Variants in CADM1 observed in about 807,000 individuals in gnomAD.
The protein encoded by CADM1 is cell adhesion molecule 1.
Under a neutral mutation model 53.1 loss-of-function variants are expected in CADM1, and 15 were observed. That is an observed-to-expected ratio of 0.28 (90% CI 0.19 to 0.44). The LOEUF (loss-of-function observed/expected upper bound fraction) is 0.44. Ranked by LOEUF, CADM1 falls within the 20% of genes least tolerant of loss-of-function variation. CADM1 has a pLI of 1.00. For missense variants in CADM1, 434 were observed against 611.3 expected, an observed-to-expected ratio of 0.71 and a Z score of 3.06; for synonymous variants, 281 against 243.0, an observed-to-expected ratio of 1.16 and a Z score of -1.45.
intron 1 of CADM1, among the ~76,000 whole-genome samples, chr11:115,303,451 C>CA (rs1944286230): frequency 1.3e-5 from 2 of 152,006 alleles, no homozygotes; most frequent in African/African-American, 4.8e-5. Context: ...TCTCCATATG[C>CA]AAGTCTATTT....
intron 1 of CADM1, among the ~76,000 whole-genome samples, chr11:115,311,679 G>A (rs777896615): frequency 2.6e-5 from 4 of 152,108 alleles, no homozygotes; most frequent in Non-Finnish European, 5.9e-5. Flanking sequence ...TTGACAGATG[G>A]GAAAACAGGC....
chr11:115,216,201 CA>C (rs1941175698), intron 6 of CADM1, among the ~76,000 whole-genome samples: 1 of 152,178 alleles, frequency 6.6e-6, no homozygotes, highest in Non-Finnish European at 1.5e-5. Context: ...AAATAAGTAA[CA>C]TGCTAGAAGG....
At chr11:115,211,208 AC>A (rs1469564740) in intron 7 of CADM1, among the ~76,000 whole-genome samples, 1 of 152,006 alleles carries the variant, frequency 6.6e-6, no homozygotes, top group Non-Finnish European at 1.5e-5. Flanking sequence ...GCATTTTGTG[AC>A]CTGGAAACTC....
At chr11:115,225,350 CA>C (rs1251824629) in intron 5 of CADM1, among the ~76,000 whole-genome samples, 1 of 151,894 alleles carries the variant, frequency 6.6e-6, no homozygotes, top group Non-Finnish European at 1.5e-5. Context: ...CTGAAGGGGT[CA>C]ACACCTTGCT....
At chr11:115,249,804 G>A (rs1942531667) in intron 1 of CADM1, among the ~76,000 whole-genome samples, 1 of 152,170 alleles carries the variant, frequency 6.6e-6, no homozygotes, top group African/African-American at 2.4e-5. Flanking sequence ...AAAGCTATGG[G>A]GATGGGTGAC....
intron 9 of CADM1, chr11:115,194,156 T>C (rs1020398656): frequency 2.0e-5 from 3 of 152,238 alleles, no homozygotes; most frequent in East Asian, 3.8e-4. Context: ...CGTGACTGAA[T>C]GACAGCCTTT....
At chr11:115,486,848 A>G (rs1949383596) in intron 1 of CADM1, among the ~76,000 whole-genome samples, 1 of 149,098 alleles carries the variant, frequency 6.7e-6, no homozygotes, top group South Asian at 2.3e-4. Context: ...CTTTGTTTAA[A>G]TGGAAAGCCT....
intron 10 of CADM1, chr11:115,190,522 G>A (rs1227822391): frequency 6.0e-6 from 1 of 166,990 alleles, no homozygotes; most frequent in Admixed American, 6.0e-5. Flanking sequence ...AAAAGATCTT[G>A]TCACATAATC....
chr11:115,427,177 A>G (rs1181361441), intron 1 of CADM1, among the ~76,000 whole-genome samples: 1 of 152,226 alleles, frequency 6.6e-6, no homozygotes, highest in African/African-American at 2.4e-5. Flanking sequence ...TGTGTATCCT[A>G]AAGAAACTCT....
chr11:115,380,727 C>A (rs187212705), intron 1 of CADM1, among the ~76,000 whole-genome samples: 40 of 152,164 alleles, frequency 2.6e-4, no homozygotes, highest in Non-Finnish European at 5.1e-4. Flanking sequence ...TAGAGGTAAT[C>A]AAGCAATAGC....
At chr11:115,373,583 CAAAAAAAAA>C (rs35059216) in intron 1 of CADM1, among the ~76,000 whole-genome samples, 3 of 48,830 alleles carry the variant, frequency 6.1e-5, no homozygotes, top group East Asian at 1.1e-3. Flanking sequence ...GACTCTGTCT[CAAAAAAAAA>C]AAAAAAAAAA....
rs531964823 is a variant in CADM1 at position 115,441,120 on chromosome 11, T to G, written c.124+63151A>C. ...AATATGGACATGGTGTTTTTTCTTCTGGGAAAAAAAAAAAAAGTAAAACTA... is the reference window on the plus strand; with the variant it reads ...AATATGGACATGGTGTTTTTTCTTCGGGGAAAAAAAAAAAAAGTAAAACTA... On this transcript the variant is annotated intron_variant, in intron 1 of 11. Transcript: ENST00000331581. 5.6e-4 allele frequency among the ~76,000 whole-genome samples: 84 copies of G among 150,238 alleles called. 1 individual carries two copies. Among genetic ancestry groups the G allele is most frequent in the African/African-American group, 2.0e-3 (80 of 40,618 alleles).
chr11:115,490,502 A>C (rs1357753360), intron 1 of CADM1, among the ~76,000 whole-genome samples: 4 of 150,480 alleles, frequency 2.7e-5, no homozygotes, highest in Admixed American at 2.0e-4. Context: ...AAGTTCAAGC[A>C]ATTCGCCTGC....
chr11:115,500,339 A>C (rs1029785479), intron 1 of CADM1, among the ~76,000 whole-genome samples: 10 of 152,218 alleles, frequency 6.6e-5, no homozygotes, highest in Non-Finnish European at 7.3e-5. Context: ...TAAAATGTAA[A>C]TTCTAAGTGA....
intron 1 of CADM1, among the ~76,000 whole-genome samples, chr11:115,283,693 C>T (rs971168410): frequency 2.6e-5 from 4 of 152,190 alleles, no homozygotes; most frequent in African/African-American, 7.2e-5. Flanking sequence ...AATTAAATGC[C>T]AACTTCCCTG....
intron 1 of CADM1, among the ~76,000 whole-genome samples, chr11:115,338,386 A>G (rs1012164248): frequency 1.3e-5 from 2 of 152,190 alleles, no homozygotes; most frequent in Middle Eastern, 3.2e-3. Context: ...AACTGTTTAA[A>G]TATTTGCCTA....
intron 1 of CADM1, among the ~76,000 whole-genome samples, chr11:115,501,313 C>T (rs1321678038): frequency 6.6e-6 from 1 of 152,186 alleles, no homozygotes; most frequent in Admixed American, 6.5e-5. Flanking sequence ...AATAACAGGG[C>T]GGCACTTTTG....
intron 1 of CADM1, among the ~76,000 whole-genome samples, chr11:115,262,994 G>C (rs1301709945): frequency 6.6e-6 from 1 of 152,228 alleles, no homozygotes; most frequent in East Asian, 1.9e-4. Context: ...AGTTTGAAGA[G>C]TACCGGTCAG....
intron 1 of CADM1, among the ~76,000 whole-genome samples, chr11:115,416,734 CAG>C (rs34697392): frequency 0.036 from 5,322 of 149,632 alleles, 128 homozygotes; most frequent in Middle Eastern, 0.079. Flanking sequence ...CACACACACA[CAG>C]ATAGATATTG....
Sources: allele counts gnomAD v4.1 joint callset (sites outside exome capture counted in the v4.1 genomes callset), GRCh38; gene constraint gnomAD v4.1.1; transcripts MANE v1.5; gene names NCBI Gene and HGNC (gene_info 2026-07-23, HGNC 2026-07-21).